AFF3: variants seen among roughly 807,000 people sequenced by gnomAD.
AFF3 encodes the protein ALF transcription elongation factor 3.
Under a neutral mutation model 129.7 loss-of-function variants are expected in AFF3, and 32 were observed. The observed-to-expected ratio is 0.25, with a 90% CI of 0.19 to 0.33. The LOEUF is 0.33. AFF3 is among the 10% of genes least tolerant of loss of function. The pLI is 1.00. For synonymous variants in AFF3, 644 were observed against 635.4 expected (o/e 1.01, Z -0.20); for missense variants, 1,373 against 1,592.0 (o/e 0.86, Z 2.34).
chr2:99,775,606 G>A (rs1683834373), intron 8 of AFF3, among the ~76,000 whole-genome samples: 1 of 151,958 alleles, frequency 6.6e-6, no homozygotes, highest in Non-Finnish European at 1.5e-5. Context: ...GGGCTGATAG[G>A]TGCAGCAAAC....
chr2:99,994,812 C>T (rs543509427), intron 7 of AFF3, among the ~76,000 whole-genome samples: 2 of 152,304 alleles, frequency 1.3e-5, no homozygotes, highest in South Asian at 2.1e-4. Context: ...ATTTTTGTCA[C>T]TGATCTGCCT....
chr2:99,584,925 C>A (rs192271169), intron 16 of AFF3, among the ~76,000 whole-genome samples: 1 of 152,170 alleles, frequency 6.6e-6, no homozygotes, highest in Non-Finnish European at 1.5e-5. Context: ...CAAACACAGA[C>A]CTCTAGAACA....
intron 7 of AFF3, among the ~76,000 whole-genome samples, chr2:99,982,846 T>C (rs1191654795): frequency 6.6e-6 from 1 of 152,108 alleles, no homozygotes; most frequent in Non-Finnish European, 1.5e-5. Flanking sequence ...AAATTAAAGA[T>C]GGGAAAGTTC....
chr2:99,950,606 G>A (rs1676063121), intron 7 of AFF3, among the ~76,000 whole-genome samples: 1 of 152,122 alleles, frequency 6.6e-6, no homozygotes. Context: ...TCACTAAATT[G>A]TCATATCCAT....
chr2:99,620,949 T>C (rs1234481109), intron 13 of AFF3, among the ~76,000 whole-genome samples: 1 of 152,214 alleles, frequency 6.6e-6, no homozygotes, highest in Non-Finnish European at 1.5e-5. Context: ...CAGACACAGA[T>C]GCTGGTGCCA....
rs1455072990 is a variant in AFF3, at chr2:100,125,627, G to T, written c.-145+3597C>A. On this transcript the variant is annotated intron_variant, in intron 2 of 24. Coordinates refer to ENST00000672756, the MANE Select transcript of AFF3 (RefSeq NM_001386135.1). ...TAGTTGCAGATGGAGGTATTATTTT[G>T]GTTAAAAAAAAAATCTGTAATTGTG... Among the ~76,000 whole-genome samples, 2 of 145,798 alleles carry T rather than the reference G, an allele frequency of 1.4e-5. 1 individual carries two copies. Among genetic ancestry groups the T allele is most frequent in the East Asian group, 3.9e-4 (2 of 5,178 alleles).
At chr2:99,866,743 G>C (rs1025536972) in intron 7 of AFF3, among the ~76,000 whole-genome samples, 1 of 151,926 alleles carries the variant, frequency 6.6e-6, no homozygotes, top group Non-Finnish European at 1.5e-5. Flanking sequence ...TTGGGAGGCC[G>C]AGGCAGGCGG....
At chr2:99,883,340 A>G (rs1011349059) in intron 7 of AFF3, among the ~76,000 whole-genome samples, 1 of 152,232 alleles carries the variant, frequency 6.6e-6, no homozygotes, top group Non-Finnish European at 1.5e-5. Flanking sequence ...GAAGGTTCTC[A>G]CAGTCTGAAT....
intron 4 of AFF3, among the ~76,000 whole-genome samples, chr2:100,043,092 AG>A: frequency 6.6e-6 from 1 of 152,264 alleles, no homozygotes; most frequent in South Asian, 2.1e-4. Flanking sequence ...AGGCTTTGCA[AG>A]TGCAAACAGA....
At chr2:100,111,437 A>G (rs1482471845) in intron 2 of AFF3, among the ~76,000 whole-genome samples, 2 of 152,242 alleles carry the variant, frequency 1.3e-5, no homozygotes, top group Non-Finnish European at 2.9e-5. Flanking sequence ...CTCATGCTCA[A>G]TTGTCTGAAG....
chr2:99,804,559 G>A (rs1031728220), intron 8 of AFF3, among the ~76,000 whole-genome samples: 1 of 152,140 alleles, frequency 6.6e-6, no homozygotes, highest in African/African-American at 2.4e-5. Flanking sequence ...TAGATCAACT[G>A]TTCAATTCAG....
rs923797846 is a variant in AFF3 at position 99,743,137 on chromosome 2, C to CT, written c.1039+966dup. ...TGTCATTTTGCCTCATCGCTGGTGC[C>CT]TGTACCCACAGCAAATCCCAACAGA... is the stretch of plus-strand genomic sequence containing the variant. On this transcript the variant is annotated intron_variant, in intron 10 of 24. Transcript: ENST00000672756. 9.2e-4 allele frequency among the ~76,000 whole-genome samples: 62 copies of CT among 67,374 alleles called. 1 individual carries two copies. The highest frequency in any genetic ancestry group is 2.1e-3 in the African/African-American group (59 of 27,522). 44.2% of individuals were successfully genotyped at this position (67,374 alleles called of 152,430 possible).
chr2:100,006,554 T>C (rs1180920396), intron 7 of AFF3, 78 bp downstream of exon 7: 4 of 1,474,858 alleles, frequency 2.7e-6, no homozygotes, highest in Admixed American at 2.2e-5. Context: ...AAAAGAAACA[T>C]GGAAACTGAA....
intron 7 of AFF3, among the ~76,000 whole-genome samples, chr2:99,987,744 A>T (rs1305073286): frequency 1.3e-5 from 2 of 152,204 alleles, no homozygotes; most frequent in Non-Finnish European, 2.9e-5. Context: ...TACTCTTCCA[A>T]TGCCCATGTT....
At chr2:99,698,644 T>C (rs1236858958) in intron 11 of AFF3, among the ~76,000 whole-genome samples, 1 of 152,226 alleles carries the variant, frequency 6.6e-6, no homozygotes, top group Non-Finnish European at 1.5e-5. Flanking sequence ...AAGGCTTTAA[T>C]GGATAGAGTT....
chr2:99,844,995 A>G (rs1024182581), intron 7 of AFF3, among the ~76,000 whole-genome samples: 1 of 152,214 alleles, frequency 6.6e-6, no homozygotes, highest in African/African-American at 2.4e-5. Context: ...TGAAAGTCCT[A>G]AACTTTATAA....
intron 7 of AFF3, among the ~76,000 whole-genome samples, chr2:99,889,579 C>A (rs903809204): frequency 6.6e-6 from 1 of 152,160 alleles, no homozygotes; most frequent in African/African-American, 2.4e-5. Context: ...ATAATGCTAT[C>A]TTTAAAGAAA....
At chr2:99,872,245 C>T (rs1691925318) in intron 7 of AFF3, among the ~76,000 whole-genome samples, 1 of 144,764 alleles carries the variant, frequency 6.9e-6, no homozygotes, top group Non-Finnish European at 1.5e-5. Flanking sequence ...GAAAACGGCA[C>T]ATGGCAAGAA....
chr2:100,111,823 C>T (rs1691519503), intron 2 of AFF3, among the ~76,000 whole-genome samples: 1 of 152,200 alleles, frequency 6.6e-6, no homozygotes, highest in Non-Finnish European at 1.5e-5. Context: ...GAGAAGCCAT[C>T]AAGTCTCTCT....
Sources: gnomAD v4.1 joint callset for allele counts (sites outside exome capture counted in the v4.1 genomes callset) on GRCh38, gnomAD v4.1.1 for gene constraint, MANE v1.5 for transcripts, NCBI Gene and HGNC (gene_info 2026-07-23, HGNC 2026-07-21) for gene names.